CLEC18A: variants seen among roughly 807,000 people sequenced by gnomAD.
CLEC18A encodes the protein mannose receptor-like 1.
Under a neutral mutation model 24.0 loss-of-function variants are expected in CLEC18A, and 5 were observed. That is an observed-to-expected ratio of 0.21 (90% CI 0.11 to 0.44). CLEC18A has a LOEUF of 0.44. CLEC18A is among the 20% of genes least tolerant of loss of function. CLEC18A has a pLI of 0.99. For synonymous variants in CLEC18A, 29 were observed against 100.1 expected (o/e 0.29, Z 4.24); for missense variants, 83 against 233.4 (o/e 0.36, Z 4.20).
At chr16:69,953,023 G>A (rs1241935136) in intron 2 of CLEC18A, 2 of 149,846 alleles carry the variant, frequency 1.3e-5, no homozygotes, top group African/African-American at 5.0e-5. Flanking sequence ...CCGTGGTTGG[G>A]TACTCCTGCC....
upstream of CLEC18A, among the ~76,000 whole-genome samples, chr16:69,946,088 G>A (rs1345234144): frequency 5.3e-5 from 2 of 37,586 alleles, no homozygotes; most frequent in South Asian, 9.4e-4. Flanking sequence ...GTGAGACTCT[G>A]TCTCAAAAAA....
At chr16:69,947,488 G>T (rs1489006309), upstream of CLEC18A, among the ~76,000 whole-genome samples, 1 of 122,156 alleles carries the variant, frequency 8.2e-6, no homozygotes, top group Non-Finnish European at 1.8e-5. Context: ...ACCAGCCTGG[G>T]CAACATGGGG....
intron 1 of CLEC18A, 161 bp from the exon 2 acceptor site, chr16:69,951,870 GTCTC>G (rs1376174115): frequency 5.6e-5 from 24 of 430,706 alleles, no homozygotes; most frequent in South Asian, 4.0e-4. Flanking sequence ...GCTGTACCTG[GTCTC>G]TCTCTCAGCC....
chr16:69,964,111 TG>T, downstream of CLEC18A: 1 of 155,238 alleles, frequency 6.4e-6, no homozygotes, highest in Non-Finnish European at 1.3e-5. Flanking sequence ...GTCACCTTCA[TG>T]GTCCAGGACA....
upstream of CLEC18A, among the ~76,000 whole-genome samples, chr16:69,948,542 A>G (rs2058915516): frequency 6.6e-6 from 1 of 151,952 alleles, no homozygotes; most frequent in Admixed American, 6.6e-5. Flanking sequence ...GAGGGGTGGG[A>G]TAGATAGAGA....
the CLEC18A span, among the ~76,000 whole-genome samples, chr16:69,943,561 G>A: frequency 6.6e-6 from 1 of 152,064 alleles, no homozygotes; most frequent in African/African-American, 2.4e-5. Flanking sequence ...TTGTCGTTTC[G>A]TGACTGGTTT....
At chr16:69,945,419 G>C in the CLEC18A span, among the ~76,000 whole-genome samples, 2 of 152,232 alleles carry the variant, frequency 1.3e-5, no homozygotes, top group Non-Finnish European at 2.9e-5. Context: ...TTTGAAATCA[G>C]GTAGTATACA....
At chr16:69,944,206 GA>G in the CLEC18A span, among the ~76,000 whole-genome samples, 3 of 134,030 alleles carry the variant, frequency 2.2e-5, 1 homozygote, top group Non-Finnish European at 5.3e-5. Context: ...TGAAGCAGGA[GA>G]ATCGCTTGAA....
At chr16:69,944,299 G>A in the CLEC18A span, among the ~76,000 whole-genome samples, 1 of 150,124 alleles carries the variant, frequency 6.7e-6, no homozygotes, top group East Asian at 2.0e-4. Context: ...TATAGATACG[G>A]GGAGCTTGGG....
At chr16:69,955,945 A>G (rs2059028862) in intron 3 of CLEC18A, among the ~76,000 whole-genome samples, 1 of 151,888 alleles carries the variant, frequency 6.6e-6, no homozygotes. Flanking sequence ...TGGGTTGTGC[A>G]TGTTTAAATA....
At chr16:69,949,125 T>C (rs1240756077), upstream of CLEC18A, among the ~76,000 whole-genome samples, 2 of 133,286 alleles carry the variant, frequency 1.5e-5, no homozygotes, top group Admixed American at 7.7e-5. Flanking sequence ...CTAATTTTTG[T>C]ATTTTTAGTA....
downstream of CLEC18A, among the ~76,000 whole-genome samples, chr16:69,964,751 C>A (rs1355716982): frequency 2.6e-5 from 4 of 151,692 alleles, no homozygotes; most frequent in African/African-American, 7.3e-5. Flanking sequence ...GATCCACCCG[C>A]CTCGGCCTCC....
chr16:69,954,559 A>G lies in CLEC18A; in HGVS notation c.442A>G (p.Thr148Ala). 1 of 1,611,180 alleles carries G rather than the reference A, an allele frequency of 6.2e-7. No individual in the cohort carries two copies. The highest frequency in any genetic ancestry group is 1.1e-5 in the South Asian group (1 of 90,736). ...AGAGTGTGCTCGCAACGCCACCTGC[A>G]CCCACTACACGCAGGTGAGTGTGCT... ...AGECARNATC[T>A]HYTQLVWATS... The change falls in exon 3 of 12, where the codon ACC becomes GCC. Residue 148 changes from threonine to alanine, a missense_variant. By Grantham distance (58) the Thr-to-Ala change is moderately conservative (BLOSUM62 0). Coordinates refer to ENST00000288040, the MANE Select transcript of CLEC18A (RefSeq NM_001370523.4).
At position 69,952,079 on chromosome 16, in the gene CLEC18A, C is replaced by G; in HGVS notation, c.169C>G (p.Arg57Gly). ...TTTCTTGCTCCTCTCCCTGCACAAC[C>G]GCCTGCGCAGCTGGGTCCAGCCCCC... is the stretch of plus-strand genomic sequence containing the variant. ...ESFLLLSLHNRLRSWVQPPAA... is the reference protein window; with the variant it reads ...ESFLLLSLHNGLRSWVQPPAA... Residue 57 changes from arginine (R) to glycine (G), a missense_variant, in exon 2 of 12, where the codon CGC (arginine) becomes GGC (glycine). By Grantham distance (125) the Arg-to-Gly change is moderately radical. Coordinates refer to ENST00000288040, the MANE Select transcript of CLEC18A (RefSeq NM_001370523.4). 1.5e-6 allele frequency: 1 copy of G among 677,364 alleles called. No homozygotes were observed. The allele number at this position is 677,364 out of a possible 1,614,324, so 42.0% of individuals were successfully genotyped here.
At chr16:69,951,039 G>A (rs1410792402), upstream of CLEC18A, 4 of 365,906 alleles carry the variant, frequency 1.1e-5, no homozygotes, top group African/African-American at 8.1e-5. Flanking sequence ...CAATCAGCGG[G>A]GTCTCTGGGG....
upstream of CLEC18A, among the ~76,000 whole-genome samples, chr16:69,946,788 T>C (rs981576041): frequency 8.9e-6 from 1 of 111,802 alleles, no homozygotes; most frequent in African/African-American, 4.0e-5. Flanking sequence ...TATGTTAATT[T>C]TGTATTCTGA....
At chr16:69,944,694 G>A in the CLEC18A span, among the ~76,000 whole-genome samples, 1 of 148,540 alleles carries the variant, frequency 6.7e-6, no homozygotes, top group Admixed American at 6.7e-5. Flanking sequence ...AAGTTAGCCG[G>A]GTGTGGTGGT....
At chr16:69,948,471 C>T (rs1477515909), upstream of CLEC18A, among the ~76,000 whole-genome samples, 3 of 151,516 alleles carry the variant, frequency 2.0e-5, no homozygotes, top group Non-Finnish European at 2.9e-5. Context: ...TAAAATGACT[C>T]GAACGCTATA....
chr16:69,953,961 G>T, intron 2 of CLEC18A: 1 of 348,408 alleles, frequency 2.9e-6, no homozygotes, highest in Non-Finnish European at 5.5e-6. Flanking sequence ...CAGCATGGCC[G>T]GGTGGGAGCA....
Sources: gnomAD v4.1 joint callset for allele counts (sites outside exome capture counted in the v4.1 genomes callset) on GRCh38, gnomAD v4.1.1 for gene constraint, MANE v1.5 for transcripts, NCBI Gene and HGNC (gene_info 2026-07-23, HGNC 2026-07-21) for gene names.